The following GABPA variants were observed in gnomAD, a reference collection of about 807,000 sequenced individuals.
The protein encoded by GABPA is GA-binding protein alpha chain.
Under a neutral mutation model 59.4 loss-of-function variants are expected in GABPA, and 4 were observed. That is an observed-to-expected ratio of 0.07 (90% CI 0.03 to 0.15). GABPA has a LOEUF of 0.15. Among genes scored for constraint, GABPA ranks in the 10% least tolerant of loss-of-function variants. The pLI, the probability that GABPA is intolerant of heterozygous loss-of-function variation, is 1.00. For synonymous variants in GABPA, 164 were observed against 183.1 expected (o/e 0.90, Z 0.84); for missense variants, 251 against 543.8 (o/e 0.46, Z 5.36).
In GABPA at chr21:25,754,780, A is replaced by G. The variant is rs138803926; in HGVS notation, c.553+2546A>G. Among the ~76,000 whole-genome samples the G allele has an allele frequency of 3.8e-3, 572 of 152,278 alleles. 16 individuals are homozygous for G. Among genetic ancestry groups the G allele is most frequent in the Admixed American group, 0.034 (522 of 15,290 alleles). On this transcript the variant is annotated intron_variant, in intron 5 of 9. Transcript: ENST00000400075. The stretch of plus-strand genomic sequence containing the variant: ...GAATTAATCACTTTAGGCCAGGCAC[A>G]GTGGCTCATGCCTGTAATCCCAGCA...
intron 9 of GABPA, among the ~76,000 whole-genome samples, chr21:25,768,101 G>T (rs2035934443): frequency 6.6e-6 from 1 of 152,010 alleles, no homozygotes; most frequent in Admixed American, 6.6e-5. Context: ...GCAATACATA[G>T]TGTGTGTTTA....
At position 25,735,135 on chromosome 21, in the gene GABPA, C is replaced by G. The variant is rs556980094; in HGVS notation, c.-470C>G. The G allele has an allele frequency of 1.0e-5, 7 of 679,186 alleles. No individual in the cohort carries two copies. The highest frequency in any genetic ancestry group is 1.1e-5 in the Non-Finnish European group (4 of 380,242). 42.1% of individuals were successfully genotyped at this position (679,186 alleles called of 1,614,324 possible). A position where few individuals can be genotyped will look rare whatever the true frequency, so the allele number is the denominator to read the frequency against. ...TTTTCTTCGCCTAATTTGACCCGTT[C>G]TTTTTCCCCTCCTTGAAACCTTGCT... On this transcript the variant is annotated 5_prime_UTR_variant, in exon 1 of 10. Transcript: ENST00000400075.
chr21:25,758,781 A>C (rs1000759107), intron 6 of GABPA, among the ~76,000 whole-genome samples: 2 of 152,158 alleles, frequency 1.3e-5, no homozygotes, highest in Non-Finnish European at 2.9e-5. Flanking sequence ...TCCACTTATA[A>C]CTTGTAAGGC....
chr21:25,744,551 A>C (rs2035311399), intron 2 of GABPA, among the ~76,000 whole-genome samples: 1 of 152,196 alleles, frequency 6.6e-6, no homozygotes, highest in African/African-American at 2.4e-5. Flanking sequence ...AATATTACTT[A>C]GTATTTGTCT....
Position 25,752,774 on chromosome 21 carries a change from G to A in GABPA, c.553+540G>A, listed in dbSNP as rs2035546039. 2.0e-5 allele frequency among the ~76,000 whole-genome samples: 3 copies of A among 152,168 alleles called. No individual in the cohort carries two copies. In the South Asian group the frequency reaches 6.2e-4, roughly 32 times the overall value. ...AGAACTGTTTTTGATTGATGAAAAT[G>A]ATAATTGAAAAATGAATATGGTGGC... On this transcript the variant is annotated intron_variant, in intron 5 of 9. Coordinates refer to ENST00000400075, the MANE Select transcript of GABPA (RefSeq NM_002040.4).
At chr21:25,767,565 T>A (rs1366431130) in intron 9 of GABPA, among the ~76,000 whole-genome samples, 1 of 152,026 alleles carries the variant, frequency 6.6e-6, no homozygotes, top group Non-Finnish European at 1.5e-5. Flanking sequence ...CCAAGAAATA[T>A]GATTATGCCA....
intron 3 of GABPA, among the ~76,000 whole-genome samples, chr21:25,746,707 A>G (rs1455138335): frequency 1.3e-5 from 2 of 152,172 alleles, no homozygotes; most frequent in African/African-American, 4.8e-5. Context: ...TTCTCTTAAC[A>G]ATGAGAGGAT....
rs534161930 is a variant in GABPA at position 25,758,672 on chromosome 21, C to T, written c.748+468C>T. Among the ~76,000 whole-genome samples the T allele has an allele frequency of 9.2e-5, 14 of 152,264 alleles. No individual in the cohort carries two copies. In the South Asian group the frequency reaches 1.2e-3, roughly 14 times the overall value. Reference sequence around the variant, plus strand: ...CTCTTCATTATTGATGAGATTAAATCTTTTTTGAAGTCTTTACTATTAATT... The same window carrying T: ...CTCTTCATTATTGATGAGATTAAATTTTTTTTGAAGTCTTTACTATTAATT... On this transcript the variant is annotated intron_variant, in intron 6 of 9. Transcript: ENST00000400075.
chr21:25,751,982 T>C lies in GABPA; in HGVS notation c.308-7T>C, dbSNP rs2123528373. On this transcript the variant is annotated splice_polypyrimidine_tract_variant and splice_region_variant and intron_variant, in intron 4 of 9. Transcript: ENST00000400075. The stretch of plus-strand genomic sequence containing the variant: ...AGATTTACAATTTTTTTTTATCCAC[T>C]GTTCAGGAATTGAACCAAAGTTAAA... 2 of 1,607,088 alleles carry C rather than the reference T, an allele frequency of 1.2e-6. No individual in the cohort carries two copies. The highest frequency in any genetic ancestry group is 1.7e-6 in the Non-Finnish European group (2 of 1,174,606).
At chr21:25,751,707 G>A (rs544389242) in intron 4 of GABPA, among the ~76,000 whole-genome samples, 12 of 151,912 alleles carry the variant, frequency 7.9e-5, no homozygotes, top group African/African-American at 2.4e-4. Context: ...TTTTATTGTG[G>A]TAAGAACTGG....
intron 5 of GABPA, 85 bp downstream of exon 5, chr21:25,752,319 T>A: frequency 7.6e-7 from 1 of 1,318,996 alleles, no homozygotes. Context: ...TATAATCTAT[T>A]TTACATGTAG....
intron 4 of GABPA, 28 bp from the exon 5 acceptor site, chr21:25,751,961 T>A: frequency 6.2e-7 from 1 of 1,602,672 alleles, no homozygotes; most frequent in South Asian, 1.1e-5. Context: ...TCATTTAGAT[T>A]TACAATTTTT....
rs549309433 is a variant in GABPA at position 25,763,784 on chromosome 21, G to A, written c.803-426G>A. Among the ~76,000 whole-genome samples, 7 of 152,186 alleles carry A rather than the reference G, an allele frequency of 4.6e-5. No individual in the cohort carries two copies. In the South Asian group the frequency reaches 1.2e-3, roughly 27 times the overall value. ...TTGTAAGAACATGTGTGAGATGTTC[G>A]TGTCATAGGGTTTCTATCCTTTCAG... On this transcript the variant is annotated intron_variant, in intron 7 of 9. Coordinates refer to ENST00000400075, the MANE Select transcript of GABPA (RefSeq NM_002040.4).
At chr21:25,767,626 T>C (rs972254351) in intron 9 of GABPA, among the ~76,000 whole-genome samples, 1 of 152,070 alleles carries the variant, frequency 6.6e-6, no homozygotes, top group Non-Finnish European at 1.5e-5. Flanking sequence ...TCCATTTTCC[T>C]TTTTTTCCCC....
intron 1 of GABPA, among the ~76,000 whole-genome samples, chr21:25,737,144 A>G (rs2035092468): frequency 6.6e-6 from 1 of 152,244 alleles, no homozygotes; most frequent in Admixed American, 6.5e-5. Context: ...CTTGTGAAAC[A>G]TTCCGAACCC....
chr21:25,756,533 T>C (rs757003706), intron 5 of GABPA, among the ~76,000 whole-genome samples: 1 of 152,196 alleles, frequency 6.6e-6, no homozygotes, highest in Non-Finnish European at 1.5e-5. Flanking sequence ...ACTGCAGCTA[T>C]TGGATTGGGC....
intron 1 of GABPA, among the ~76,000 whole-genome samples, chr21:25,739,602 T>C (rs67271845): frequency 0.11 from 16,001 of 152,160 alleles, 1,031 homozygotes; most frequent in East Asian, 0.3. Flanking sequence ...TCTTCTACTT[T>C]TAAGGACCTT....
intron 9 of GABPA, among the ~76,000 whole-genome samples, chr21:25,768,715 G>A (rs1428358464): frequency 6.6e-6 from 1 of 151,842 alleles, no homozygotes; most frequent in Non-Finnish European, 1.5e-5. Context: ...AAGGTTTTTT[G>A]TTTTGTTTAA....
chr21:25,751,537 T>A (rs890664179), intron 4 of GABPA, among the ~76,000 whole-genome samples: 1 of 151,806 alleles, frequency 6.6e-6, no homozygotes, highest in Non-Finnish European at 1.5e-5. Context: ...CACATCTACT[T>A]TGTCCTTTAA....
Sources: gnomAD v4.1 joint callset for allele counts (sites outside exome capture counted in the v4.1 genomes callset) on GRCh38, gnomAD v4.1.1 for gene constraint, MANE v1.5 for transcripts, NCBI Gene and HGNC (gene_info 2026-07-23, HGNC 2026-07-21) for gene names.